Variants in ST3GAL3 observed in about 807,000 individuals in gnomAD.
The protein encoded by ST3GAL3 is CMP-N-acetylneuraminate-beta-1,4-galactoside alpha-2,3-sialyltransferase.
Under a neutral mutation model 50.1 loss-of-function variants are expected in ST3GAL3, and 21 were observed. The observed-to-expected ratio is 0.42, with a 90% CI of 0.30 to 0.60. The LOEUF is 0.60. ST3GAL3 is among the 20% of genes least tolerant of loss of function. ST3GAL3 has a pLI of 0.19. For synonymous variants in ST3GAL3, 183 were observed against 190.0 expected, an observed-to-expected ratio of 0.96 and a Z score of 0.30; for missense variants, 353 against 489.4, an observed-to-expected ratio of 0.72 and a Z score of 2.63.
Position 43,930,286 on chromosome 1 carries a change from A to G in ST3GAL3, c.*65A>G. 2.0e-6 allele frequency: 3 copies of G among 1,489,762 alleles called. No homozygotes were observed. The highest frequency in any genetic ancestry group is 2.8e-6 in the Non-Finnish European group (3 of 1,071,752). The allele number at this position is 1,489,762 out of a possible 1,614,324, so 92.3% of individuals were successfully genotyped here. On this transcript the variant is annotated 3_prime_UTR_variant, in exon 12 of 12. Coordinates refer to ENST00000347631, the MANE Select transcript of ST3GAL3 (RefSeq NM_006279.5). ...AGGAGCAGCAGCCAGCACCACCTACACAGGAGTCTTCAGACCCAGAGAAGG... is the reference window on the plus strand; with the variant it reads ...AGGAGCAGCAGCCAGCACCACCTACGCAGGAGTCTTCAGACCCAGAGAAGG...
chr1:43,925,683 G>A (rs1405107736), intron 11 of ST3GAL3, among the ~76,000 whole-genome samples: 1 of 152,212 alleles, frequency 6.6e-6, no homozygotes, highest in Non-Finnish European at 1.5e-5. Flanking sequence ...CACTCTGCAG[G>A]CCCAGCAGGA....
At chr1:43,756,750 C>T (rs1201836898) in intron 2 of ST3GAL3, among the ~76,000 whole-genome samples, 2 of 152,130 alleles carry the variant, frequency 1.3e-5, no homozygotes, top group East Asian at 3.8e-4. Flanking sequence ...GATGGCCCAT[C>T]TAAGCACAAG....
At chr1:43,736,876 T>TC in intron 2 of ST3GAL3, 5 of 241,104 alleles carry the variant, frequency 2.1e-5, no homozygotes, top group South Asian at 1.0e-4. Flanking sequence ...GCTATTGAAC[T>TC]TGCACCTGGC....
At chr1:43,872,278 G>C (rs533733040) in intron 5 of ST3GAL3, among the ~76,000 whole-genome samples, 2 of 117,838 alleles carry the variant, frequency 1.7e-5, no homozygotes, top group African/African-American at 6.6e-5. Context: ...GAGGGGCTGT[G>C]GGGGGGACGG....
At chr1:43,839,355 C>T (rs1279282978) in intron 5 of ST3GAL3, 1 of 152,142 alleles carries the variant, frequency 6.6e-6, no homozygotes, top group Non-Finnish European at 1.5e-5. Context: ...TATTGAGTGC[C>T]CCTGTGTCTG....
intron 3 of ST3GAL3, among the ~76,000 whole-genome samples, chr1:43,796,598 G>A (rs977290685): frequency 6.6e-6 from 1 of 152,126 alleles, no homozygotes; most frequent in East Asian, 1.9e-4. Flanking sequence ...TTTGCTGCCC[G>A]AACCCAACCT....
intron 1 of ST3GAL3, among the ~76,000 whole-genome samples, chr1:43,716,821 C>T (rs1337251434): frequency 6.6e-6 from 1 of 152,064 alleles, no homozygotes; most frequent in Non-Finnish European, 1.5e-5. Flanking sequence ...CTTCCAATAC[C>T]CTGCTGAATC....
chr1:43,760,562 C>T (rs1472968683), intron 2 of ST3GAL3, among the ~76,000 whole-genome samples: 1 of 152,108 alleles, frequency 6.6e-6, no homozygotes, highest in Admixed American at 6.6e-5. Context: ...GGGACCATCC[C>T]GGCTAACACG....
chr1:43,875,277 G>A (rs2073843011), intron 5 of ST3GAL3, among the ~76,000 whole-genome samples: 1 of 152,168 alleles, frequency 6.6e-6, no homozygotes, highest in Non-Finnish European at 1.5e-5. Flanking sequence ...GATACATGGA[G>A]GCAGTCAGGG....
At chr1:43,771,465 C>T (rs1695143817) in intron 2 of ST3GAL3, among the ~76,000 whole-genome samples, 1 of 151,920 alleles carries the variant, frequency 6.6e-6, no homozygotes, top group Non-Finnish European at 1.5e-5. Flanking sequence ...TCACACCATT[C>T]TCCTGCCTCA....
intron 5 of ST3GAL3, among the ~76,000 whole-genome samples, chr1:43,848,046 A>G (rs114523105): frequency 6.6e-6 from 1 of 152,092 alleles, no homozygotes; most frequent in Non-Finnish European, 1.5e-5. Flanking sequence ...AAAGATTTTT[A>G]AAAATGTTTT....
chr1:43,914,325 C>T (rs2081428468), intron 9 of ST3GAL3: 1 of 152,100 alleles, frequency 6.6e-6, no homozygotes, highest in Non-Finnish European at 1.5e-5. Flanking sequence ...GCCTTAGTCC[C>T]CTCTGAAAAA....
intron 4 of ST3GAL3, among the ~76,000 whole-genome samples, chr1:43,825,473 T>A (rs12078063): frequency 0.015 from 2,353 of 152,286 alleles, 64 homozygotes; most frequent in African/African-American, 0.053. Flanking sequence ...TTCCTATACA[T>A]TATATTGACT....
intron 1 of ST3GAL3, among the ~76,000 whole-genome samples, chr1:43,716,253 A>G (rs547151112): frequency 6.6e-6 from 1 of 152,332 alleles, no homozygotes; most frequent in East Asian, 1.9e-4. Flanking sequence ...TAGGTGCCAT[A>G]CTGTTTACAT....
intron 1 of ST3GAL3, among the ~76,000 whole-genome samples, chr1:43,722,042 A>T (rs1480865065): frequency 6.6e-6 from 1 of 152,234 alleles, no homozygotes; most frequent in African/African-American, 2.4e-5. Flanking sequence ...TATAAATATT[A>T]AATTATTGTA....
chr1:43,776,822 T>C (rs780867822), intron 2 of ST3GAL3, among the ~76,000 whole-genome samples: 1 of 152,210 alleles, frequency 6.6e-6, no homozygotes, highest in African/African-American at 2.4e-5. Context: ...CCTCTCTTTT[T>C]TAATGGAAAT....
intron 5 of ST3GAL3, chr1:43,858,318 C>T (rs1372281745): frequency 7.9e-6 from 10 of 1,262,952 alleles, no homozygotes; most frequent in South Asian, 2.6e-5. Context: ...GGTGGGGCTT[C>T]GGCAGCAAGA....
chr1:43,930,083 G>A (rs2084809231), intron 11 of ST3GAL3, 49 bp from the exon 12 acceptor site: 5 of 1,559,586 alleles, frequency 3.2e-6, no homozygotes, highest in Non-Finnish European at 4.4e-6. Flanking sequence ...GGAAGGGGCA[G>A]TAAAGGTTTG....
chr1:43,879,368 A>G (rs751308939), intron 5 of ST3GAL3: 11 of 456,086 alleles, frequency 2.4e-5, no homozygotes, highest in Non-Finnish European at 4.0e-5. Flanking sequence ...CATGGTTGGC[A>G]TGGTATGGTT....
Sources: gnomAD v4.1 joint callset for allele counts (sites outside exome capture counted in the v4.1 genomes callset) on GRCh38, gnomAD v4.1.1 for gene constraint, MANE v1.5 for transcripts, NCBI Gene and HGNC (gene_info 2026-07-23, HGNC 2026-07-21) for gene names.